The following CLVS1 variants were observed in gnomAD, a reference collection of about 807,000 sequenced individuals.
CLVS1 encodes clavesin-1.
In CLVS1, 10 loss-of-function variants were observed where a neutral mutation model predicts 33.1. That is an observed-to-expected ratio of 0.30 (90% CI 0.19 to 0.51). CLVS1 has a LOEUF of 0.51. CLVS1 is among the 20% of genes least tolerant of loss of function. The pLI is 0.97. For synonymous variants in CLVS1, 163 were observed against 166.1 expected, an observed-to-expected ratio of 0.98 and a Z score of 0.14; for missense variants, 343 against 433.4, an observed-to-expected ratio of 0.79 and a Z score of 1.85.
chr8:61,008,190 C>A, the CLVS1 span, among the ~76,000 whole-genome samples: 19 of 152,144 alleles, frequency 1.2e-4, no homozygotes, highest in Middle Eastern at 3.4e-3. Flanking sequence ...CATCCCTGAA[C>A]GCGCAATTAC....
chr8:61,253,914 T>C (rs540827764), intron 2 of CLVS1, among the ~76,000 whole-genome samples: 36 of 152,360 alleles, frequency 2.4e-4, no homozygotes, highest in African/African-American at 8.4e-4. Context: ...CCTTCTTCTC[T>C]CAACTCGTCA....
chr8:61,008,113 A>T, the CLVS1 span, among the ~76,000 whole-genome samples: 2,601 of 152,320 alleles, frequency 0.017, 89 homozygotes, highest in African/African-American at 0.058. Flanking sequence ...GCCATTTATT[A>T]GTAGGGCAAC....
chr8:61,331,147 G>T (rs80281294), intron 2 of CLVS1, among the ~76,000 whole-genome samples: 2,912 of 152,168 alleles, frequency 0.019, 101 homozygotes, highest in African/African-American at 0.065. Flanking sequence ...TTTGTAGGTT[G>T]GAAATTGCTT....
chr8:61,226,476 G>T (rs926314968), intron 2 of CLVS1, among the ~76,000 whole-genome samples: 2 of 152,198 alleles, frequency 1.3e-5, no homozygotes, highest in Middle Eastern at 6.8e-3. Context: ...TTCAGCCTTG[G>T]CCCTTAAAAC....
At chr8:61,353,079 T>C (rs1198553869) in intron 2 of CLVS1, among the ~76,000 whole-genome samples, 1 of 152,014 alleles carries the variant, frequency 6.6e-6, no homozygotes, top group Non-Finnish European at 1.5e-5. Context: ...CAAAAACTGA[T>C]AGTGCTTAAA....
chr8:61,177,086 G>C (rs1341780466), intron 2 of CLVS1, among the ~76,000 whole-genome samples: 1 of 151,992 alleles, frequency 6.6e-6, no homozygotes, highest in Non-Finnish European at 1.5e-5. Flanking sequence ...GGGGCGGGGC[G>C]GGGGGGCAAA....
intron 2 of CLVS1, among the ~76,000 whole-genome samples, chr8:61,372,651 A>T (rs1813486213): frequency 6.6e-6 from 1 of 151,572 alleles, no homozygotes; most frequent in Non-Finnish European, 1.5e-5. Context: ...CCCACCCAAG[A>T]TCCTACATTA....
Position 61,459,961 on chromosome 8 carries a change from G to T in CLVS1, c.977+1419G>T, listed in dbSNP as rs73685051. 7.7e-3 allele frequency among the ~76,000 whole-genome samples: 1,179 copies of T among 152,214 alleles called. 8 individuals are homozygous for T. The highest frequency in any genetic ancestry group is 0.027 in the African/African-American group (1,127 of 41,528). ...CTTACACGGTTTTCCTTCTGTGTGT[G>T]TCTGCCTCTATCCTAACCTCCTTTT... is the stretch of plus-strand genomic sequence containing the variant. On this transcript the variant is annotated intron_variant, in intron 5 of 5. Coordinates refer to ENST00000325897, the MANE Select transcript of CLVS1 (RefSeq NM_173519.3).
chr8:61,195,211 G>A (rs1807578175), intron 2 of CLVS1, among the ~76,000 whole-genome samples: 1 of 151,620 alleles, frequency 6.6e-6, no homozygotes, highest in African/African-American at 2.4e-5. Context: ...ATAAAACAGA[G>A]AATCAACAAA....
intron 2 of CLVS1, among the ~76,000 whole-genome samples, chr8:61,153,661 G>T (rs1168835918): frequency 6.6e-6 from 1 of 152,196 alleles, no homozygotes; most frequent in African/African-American, 2.4e-5. Flanking sequence ...TCAGGGCTCT[G>T]AGTCAGCCCA....
chr8:60,977,901 T>A, the CLVS1 span, among the ~76,000 whole-genome samples: 2 of 152,142 alleles, frequency 1.3e-5, no homozygotes, highest in African/African-American at 4.8e-5. Context: ...AGAGAGAACT[T>A]TGAAAGCAAC....
intron 5 of CLVS1, among the ~76,000 whole-genome samples, chr8:61,482,119 G>A (rs1462351374): frequency 6.6e-6 from 1 of 152,250 alleles, no homozygotes; most frequent in African/African-American, 2.4e-5. Flanking sequence ...AACTCCAACA[G>A]ATCTGCAGCT....
chr8:61,129,704 T>G (rs935269971), intron 1 of CLVS1, among the ~76,000 whole-genome samples: 1 of 152,080 alleles, frequency 6.6e-6, no homozygotes, highest in African/African-American at 2.4e-5. Flanking sequence ...TGAGGCCTCT[T>G]TTATGAGGGC....
intron 1 of CLVS1, chr8:61,090,875 T>C: frequency 1.9e-6 from 1 of 518,738 alleles, no homozygotes; most frequent in South Asian, 1.4e-5. Context: ...AAGACTGAGA[T>C]TTTGGACTTG....
Position 61,299,800 on chromosome 8 carries a change from GC to G in CLVS1, c.-26del. ...CTGGTAGTAAAACACTGTTGAATGG[GC>G]CACAGTTTCAGCAGACCATCAGGTG... On this transcript the variant is annotated 5_prime_UTR_variant, in exon 2 of 6. Transcript: ENST00000325897. 1 of 1,540,920 alleles carries G rather than the reference GC, an allele frequency of 6.5e-7. No homozygotes were observed. Among genetic ancestry groups the G allele is most frequent in the Non-Finnish European group, 8.9e-7 (1 of 1,127,072 alleles).
chr8:61,461,408 C>T (rs2129607310), intron 5 of CLVS1, among the ~76,000 whole-genome samples: 1 of 152,274 alleles, frequency 6.6e-6, no homozygotes, highest in East Asian at 1.9e-4. Flanking sequence ...CTTGTCAAAC[C>T]TGATGTTTCT....
intron 3 of CLVS1, among the ~76,000 whole-genome samples, chr8:61,388,650 C>T (rs894130908): frequency 6.6e-6 from 1 of 151,810 alleles, no homozygotes; most frequent in Non-Finnish European, 1.5e-5. Context: ...TTTAACTTGA[C>T]ACATAGTAAT....
intron 3 of CLVS1, among the ~76,000 whole-genome samples, chr8:61,423,149 G>A (rs563703968): frequency 2.8e-4 from 42 of 152,126 alleles, no homozygotes; most frequent in African/African-American, 9.2e-4. Context: ...CCTTCCTGCC[G>A]AGGTCACTTC....
At chr8:60,982,449 A>G in the CLVS1 span, among the ~76,000 whole-genome samples, 1 of 152,230 alleles carries the variant, frequency 6.6e-6, no homozygotes, top group African/African-American at 2.4e-5. Context: ...AGATTTCTGT[A>G]CTAACTGGGC....
Sources: gnomAD v4.1 joint callset for allele counts (sites outside exome capture counted in the v4.1 genomes callset) on GRCh38, gnomAD v4.1.1 for gene constraint, MANE v1.5 for transcripts, NCBI Gene and HGNC (gene_info 2026-07-23, HGNC 2026-07-21) for gene names.